Variants in UVRAG observed in about 807,000 individuals in gnomAD.
The protein encoded by UVRAG is UV radiation resistance-associated gene protein.
In UVRAG, 19 loss-of-function variants were observed where a neutral mutation model predicts 78.0. That is an observed-to-expected ratio of 0.24 (90% CI 0.17 to 0.36). The LOEUF is 0.36. Among genes scored for constraint, UVRAG ranks in the 10% least tolerant of loss-of-function variants. The pLI, the probability that UVRAG is intolerant of heterozygous loss-of-function variation, is 1.00. For missense variants in UVRAG, 740 were observed against 853.8 expected (o/e 0.87, Z 1.66); for synonymous variants, 323 against 324.6 (o/e 1.00, Z 0.05).
chr11:76,040,042 T>C (rs17134510), intron 12 of UVRAG, among the ~76,000 whole-genome samples: 21,255 of 152,190 alleles, frequency 0.14, 3,881 homozygotes, highest in African/African-American at 0.42. Context: ...TTTGGCATAA[T>C]ACTATTTGTA....
intron 8 of UVRAG, 102 bp from the exon 9 acceptor site, chr11:76,003,903 T>C: frequency 9.0e-7 from 1 of 1,112,550 alleles, no homozygotes; most frequent in Non-Finnish European, 1.3e-6. Flanking sequence ...CCCTAACTCT[T>C]TTTATTTCCC....
At chr11:76,114,927 C>G (rs1361038339) in intron 13 of UVRAG, among the ~76,000 whole-genome samples, 1 of 152,180 alleles carries the variant, frequency 6.6e-6, no homozygotes, top group Non-Finnish European at 1.5e-5. Flanking sequence ...GACCGATGCC[C>G]CTTCACATTT....
chr11:75,987,331 T>C (rs928492064), intron 8 of UVRAG, among the ~76,000 whole-genome samples: 4 of 152,218 alleles, frequency 2.6e-5, no homozygotes, highest in Non-Finnish European at 4.4e-5. Context: ...TAGTTTTGAT[T>C]CAAATTTACC....
At chr11:75,877,473 C>T (rs1327217426) in intron 3 of UVRAG, among the ~76,000 whole-genome samples, 1 of 148,874 alleles carries the variant, frequency 6.7e-6, no homozygotes, top group East Asian at 2.0e-4. Flanking sequence ...GACCCCCCCA[C>T]CTCCCTCCCG....
intron 3 of UVRAG, among the ~76,000 whole-genome samples, chr11:75,863,064 A>G (rs1490659055): frequency 1.3e-5 from 2 of 152,222 alleles, no homozygotes; most frequent in Non-Finnish European, 2.9e-5. Flanking sequence ...CTGCAGGACC[A>G]GAACCCCAAT....
chr11:75,883,388 G>GA lies in UVRAG; in HGVS notation c.432+3360dup, dbSNP rs1310332580. Reference sequence around the variant, plus strand: ...AGAGAACAAAAAAAAAAAAAGAAAAGAAAAAAAAAAAAGAAAAAACATGTT... The same window carrying GA: ...AGAGAACAAAAAAAAAAAAAGAAAAGAAAAAAAAAAAAAGAAAAAACATGTT... On this transcript the variant is annotated intron_variant, in intron 4 of 14. Transcript: ENST00000356136. Among the ~76,000 whole-genome samples, 767 of 108,660 alleles carry GA rather than the reference G, an allele frequency of 7.1e-3. 4 individuals carry two copies. Among genetic ancestry groups the GA allele is most frequent in the African/African-American group, 0.02 (594 of 29,034 alleles). 71.3% of individuals were successfully genotyped at this position (108,660 alleles called of 152,430 possible). A position where few individuals can be genotyped will look rare whatever the true frequency, so the allele number is the denominator to read the frequency against.
intron 12 of UVRAG, among the ~76,000 whole-genome samples, chr11:76,044,309 G>A (rs1950704899): frequency 6.6e-6 from 1 of 152,154 alleles, no homozygotes; most frequent in African/African-American, 2.4e-5. Context: ...TCTGTCACAG[G>A]GTTGTTTTAA....
chr11:75,849,049 A>G (rs1016327001), intron 1 of UVRAG, among the ~76,000 whole-genome samples: 4 of 152,140 alleles, frequency 2.6e-5, no homozygotes, highest in Non-Finnish European at 5.9e-5. Context: ...GTGGTGGCAC[A>G]TGCCTGTAGT....
chr11:76,131,453 G>C (rs1952511776), intron 14 of UVRAG, among the ~76,000 whole-genome samples: 1 of 152,144 alleles, frequency 6.6e-6, no homozygotes, highest in Non-Finnish European at 1.5e-5. Flanking sequence ...TCTTCAGCTT[G>C]CTTATTTTGT....
chr11:75,869,538 C>G (rs1396142846), intron 3 of UVRAG, among the ~76,000 whole-genome samples: 5 of 152,130 alleles, frequency 3.3e-5, no homozygotes, highest in African/African-American at 1.2e-4. Context: ...TTTCCAACTT[C>G]TGTCTGTTTA....
intron 12 of UVRAG, among the ~76,000 whole-genome samples, chr11:76,021,770 T>G (rs762701289): frequency 3.3e-5 from 5 of 152,244 alleles, no homozygotes; most frequent in Non-Finnish European, 5.9e-5. Context: ...AGAGCATTCT[T>G]TGGCTGGGCC....
At chr11:75,828,713 G>A (rs11236548) in intron 1 of UVRAG, among the ~76,000 whole-genome samples, 5 of 106,604 alleles carry the variant, frequency 4.7e-5, no homozygotes, top group Admixed American at 9.9e-5. Flanking sequence ...ATATATATGT[G>A]TATATATATG....
At chr11:76,082,486 G>A (rs1418498613) in intron 13 of UVRAG, among the ~76,000 whole-genome samples, 1 of 148,328 alleles carries the variant, frequency 6.7e-6, no homozygotes, top group Non-Finnish European at 1.5e-5. Flanking sequence ...CTTGCAGTGA[G>A]CGGAGATGGC....
chr11:75,949,078 G>T (rs1948636126), intron 6 of UVRAG, among the ~76,000 whole-genome samples: 1 of 152,148 alleles, frequency 6.6e-6, no homozygotes, highest in Non-Finnish European at 1.5e-5. Context: ...GGGGCTATTG[G>T]CTAGGTGGCA....
intron 1 of UVRAG, among the ~76,000 whole-genome samples, chr11:75,828,713 GTATATATA>G (rs200068368): frequency 0.011 from 1,143 of 106,560 alleles, 26 homozygotes; most frequent in African/African-American, 0.043. Context: ...ATATATATGT[GTATATATA>G]TGTGTGTGTG....
chr11:76,065,177 A>C (rs1247963913), intron 12 of UVRAG, among the ~76,000 whole-genome samples: 2 of 152,260 alleles, frequency 1.3e-5, no homozygotes, highest in South Asian at 2.1e-4. Context: ...GAGAAGTTGC[A>C]TCCAAATAGC....
chr11:75,863,807 A>T (rs190012700), intron 3 of UVRAG, among the ~76,000 whole-genome samples: 18 of 152,240 alleles, frequency 1.2e-4, no homozygotes, highest in Admixed American at 1.2e-3. Context: ...TTATACTATA[A>T]TTGTTTTCCG....
chr11:75,894,358 A>G (rs984431525), intron 5 of UVRAG, among the ~76,000 whole-genome samples: 1 of 152,124 alleles, frequency 6.6e-6, no homozygotes. Context: ...AAGAAAAAAA[A>G]AACTCCAGCC....
At chr11:75,920,517 G>C (rs897413742) in intron 6 of UVRAG, among the ~76,000 whole-genome samples, 1 of 152,082 alleles carries the variant, frequency 6.6e-6, no homozygotes, top group African/African-American at 2.4e-5. Flanking sequence ...AAATACGGGA[G>C]TAATTATAGG....
Sources: allele counts gnomAD v4.1 joint callset (sites outside exome capture counted in the v4.1 genomes callset), GRCh38; gene constraint gnomAD v4.1.1; transcripts MANE v1.5; gene names NCBI Gene and HGNC (gene_info 2026-07-23, HGNC 2026-07-21).